The following ALDH16A1 variants were observed in gnomAD, a reference collection of about 807,000 sequenced individuals.
ALDH16A1 encodes aldehyde dehydrogenase family 16 member A1.
Under a neutral mutation model 96.1 loss-of-function variants are expected in ALDH16A1, and 88 were observed. The observed-to-expected ratio is 0.92, with a 90% CI of 0.77 to 1.09. ALDH16A1 has a LOEUF of 1.09. Among genes scored for constraint, ALDH16A1 ranks in the 50% least tolerant of loss-of-function variants. ALDH16A1 has a pLI of 0.00. For synonymous variants in ALDH16A1, 522 were observed against 496.4 expected, an observed-to-expected ratio of 1.05 and a Z score of -0.69; for missense variants, 1,250 against 1,112.6, an observed-to-expected ratio of 1.12 and a Z score of -1.76.
At chr19:49,458,060 A>C (rs1446305474) in intron 1 of ALDH16A1, among the ~76,000 whole-genome samples, 1 of 152,114 alleles carries the variant, frequency 6.6e-6, no homozygotes, top group Non-Finnish European at 1.5e-5. Context: ...CTAAAAATAC[A>C]AAAACAAAAC....
chr19:49,465,574 CA>C (rs1261184352), intron 12 of ALDH16A1, among the ~76,000 whole-genome samples, 163 bp from the exon 13 acceptor site: 1 of 151,000 alleles, frequency 6.6e-6, no homozygotes, highest in Non-Finnish European at 1.5e-5. Flanking sequence ...CCCAGTGAAT[CA>C]TGGGAGCAGG....
intron 1 of ALDH16A1, among the ~76,000 whole-genome samples, chr19:49,457,578 T>C (rs951300983): frequency 2.7e-5 from 4 of 147,190 alleles, no homozygotes; most frequent in Admixed American, 2.0e-4. Context: ...AAGAAAGAAA[T>C]ATGGAGGAGA....
chr19:49,456,595 G>A (rs1304628723), intron 1 of ALDH16A1, among the ~76,000 whole-genome samples: 3 of 151,572 alleles, frequency 2.0e-5, no homozygotes, highest in Non-Finnish European at 4.4e-5. Context: ...TGCTGTGTAG[G>A]TCCAGACTAG....
Position 49,459,183 on chromosome 19 carries a change from T to C in ALDH16A1, c.320+97T>C. 5 of 1,511,588 alleles carry C rather than the reference T, an allele frequency of 3.3e-6. No individual in the cohort carries two copies. 93.6% of individuals were successfully genotyped at this position (1,511,588 alleles called of 1,614,324 possible). On this transcript the variant is annotated intron_variant, in intron 3 of 16. Coordinates refer to ENST00000293350, the MANE Select transcript of ALDH16A1 (RefSeq NM_153329.4). The surrounding 1 kb of genome is among the most constrained non-coding windows in gnomAD (Gnocchi z 4.1). ...GCTATTTCCCAAGATCCCACTGAAT[T>C]AATTTGCAGCTAAGGCTCAGATTCC... is the stretch of plus-strand genomic sequence containing the variant.
chr19:49,465,998 A>G, intron 13 of ALDH16A1, 84 bp from the exon 14 acceptor site: 1 of 1,541,034 alleles, frequency 6.5e-7, no homozygotes, highest in South Asian at 1.2e-5. Context: ...CTGGGCCCCC[A>G]GGGTAGGGGC....
At chr19:49,454,881 G>A (rs1248709876) in intron 1 of ALDH16A1, among the ~76,000 whole-genome samples, 1 of 152,188 alleles carries the variant, frequency 6.6e-6, no homozygotes, top group Admixed American at 6.5e-5. Flanking sequence ...CACTTTGGGA[G>A]TCCTAGGTGG....
chr19:49,453,537 C>T (rs1015682783), intron 1 of ALDH16A1, 116 bp downstream of exon 1: 41 of 963,776 alleles, frequency 4.3e-5, no homozygotes, highest in Non-Finnish European at 4.7e-5. Flanking sequence ...CTCTCTTAGT[C>T]CCCGTGATTC....
At chr19:49,469,201 C>T in intron 16 of ALDH16A1, 2 of 576,086 alleles carry the variant, frequency 3.5e-6, no homozygotes, top group Non-Finnish European at 5.7e-6. Context: ...GCCCAAAGAC[C>T]TCGTCTCAGG....
At chr19:49,466,737 A>G (rs1222175220) in intron 14 of ALDH16A1, among the ~76,000 whole-genome samples, 1 of 151,356 alleles carries the variant, frequency 6.6e-6, no homozygotes. Context: ...GTGGGCACCT[A>G]TAGTCCCAGC....
intron 16 of ALDH16A1, 88 bp downstream of exon 16, chr19:49,469,074 A>G: frequency 1.3e-6 from 2 of 1,509,998 alleles, no homozygotes; most frequent in Non-Finnish European, 1.8e-6. Context: ...GCCCTCTTAG[A>G]ACTCCTGTTG....
At chr19:49,454,971 A>T (rs113176105) in intron 1 of ALDH16A1, among the ~76,000 whole-genome samples, 2 of 150,492 alleles carry the variant, frequency 1.3e-5, no homozygotes, top group African/African-American at 4.9e-5. Flanking sequence ...TACAAAAATT[A>T]CCTGAGCGTG....
chr19:49,459,891 A>C lies in ALDH16A1; in HGVS notation c.499+43A>C, dbSNP rs1261156728. The C allele has an allele frequency of 2.5e-6, 4 of 1,577,886 alleles. No homozygotes were observed. The highest frequency in any genetic ancestry group is 3.4e-6 in the Non-Finnish European group (4 of 1,163,538). Reference sequence around the variant, plus strand: ...CTAGCCCTATCCTCCCACATGACTCAGCAGTGCTAGCTCCAGTCCCCTCAT... The same window carrying C: ...CTAGCCCTATCCTCCCACATGACTCCGCAGTGCTAGCTCCAGTCCCCTCAT... On this transcript the variant is annotated intron_variant, in intron 4 of 16. Coordinates refer to ENST00000293350, the MANE Select transcript of ALDH16A1 (RefSeq NM_153329.4). The surrounding 1 kb of genome is among the most constrained non-coding windows in gnomAD (Gnocchi z 4.1).
chr19:49,463,979 C>T (rs1315735188), intron 9 of ALDH16A1, 30 bp downstream of exon 9: 1 of 1,591,492 alleles, frequency 6.3e-7, no homozygotes, highest in Admixed American at 1.7e-5. Context: ...AGAGCTCCTA[C>T]CCACCGCCAG....
chr19:49,455,815 C>T (rs1024788219), intron 1 of ALDH16A1, among the ~76,000 whole-genome samples: 1 of 152,200 alleles, frequency 6.6e-6, no homozygotes, highest in African/African-American at 2.4e-5. Context: ...TTGCCTACAC[C>T]AGCAAAGTTC....
At chr19:49,462,511 A>G in intron 7 of ALDH16A1, 59 bp from the exon 8 acceptor site, 1 of 1,564,322 alleles carries the variant, frequency 6.4e-7, no homozygotes, top group South Asian at 1.2e-5. Context: ...TTCACTCTTC[A>G]GATCACCAAC....
intron 9 of ALDH16A1, 36 bp downstream of exon 9, chr19:49,463,985 G>T: frequency 6.3e-7 from 1 of 1,587,960 alleles, no homozygotes; most frequent in Non-Finnish European, 8.6e-7. Flanking sequence ...CCTACCCACC[G>T]CCAGCCAAGG....
intron 1 of ALDH16A1, among the ~76,000 whole-genome samples, chr19:49,456,267 C>G (rs1173806859): frequency 6.6e-6 from 1 of 152,208 alleles, no homozygotes; most frequent in Non-Finnish European, 1.5e-5. Context: ...TAAACAAATC[C>G]TGGATGTCAC....
chr19:49,459,122 G>A lies in ALDH16A1; in HGVS notation c.320+36G>A, dbSNP rs750562471. ...TGAGGTGTGGACCCCGGGAGGCGGG[G>A]AACCCCAGCATCCACTCGAGACCAT... On this transcript the variant is annotated intron_variant, in intron 3 of 16. Transcript: ENST00000293350. The surrounding 1 kb of genome is among the most constrained non-coding windows in gnomAD (Gnocchi z 4.1). 1.3e-5 allele frequency: 21 copies of A among 1,592,398 alleles called. No homozygotes were observed. The highest frequency in any genetic ancestry group is 1.5e-5 in the Non-Finnish European group (18 of 1,166,456).
chr19:49,455,360 G>C (rs1250449244), intron 1 of ALDH16A1, among the ~76,000 whole-genome samples: 1 of 147,374 alleles, frequency 6.8e-6, no homozygotes, highest in Non-Finnish European at 1.5e-5. Context: ...AGATTGCAGT[G>C]AGCCGAGACC....
Sources: allele counts gnomAD v4.1 joint callset (sites outside exome capture counted in the v4.1 genomes callset), GRCh38; gene constraint gnomAD v4.1.1; non-coding constraint Gnocchi (gnomAD v3.1); transcripts MANE v1.5; gene names NCBI Gene and HGNC (gene_info 2026-07-23, HGNC 2026-07-21).